CTNNA3: variants seen among roughly 807,000 people sequenced by gnomAD.
CTNNA3 encodes the protein catenin alpha-3.
Under a neutral mutation model 95.7 loss-of-function variants are expected in CTNNA3, and 76 were observed. The observed-to-expected ratio is 0.79, with a 90% CI of 0.66 to 0.96. The LOEUF (loss-of-function observed/expected upper bound fraction) is 0.96. Among genes scored for constraint, CTNNA3 ranks in the 40% least tolerant of loss-of-function variants. The pLI is 0.00. For synonymous variants in CTNNA3, 431 were observed against 374.4 expected, an observed-to-expected ratio of 1.15 and a Z score of -1.74; for missense variants, 1,191 against 1,089.8, an observed-to-expected ratio of 1.09 and a Z score of -1.31.
chr10:67,595,305 C>T (rs1842906033), intron 3 of CTNNA3, among the ~76,000 whole-genome samples: 1 of 152,118 alleles, frequency 6.6e-6, no homozygotes, highest in East Asian at 1.9e-4. Context: ...ACTGCTTTAG[C>T]TGTGTCCCAG....
rs1467891653 is a variant in CTNNA3, at chr10:67,118,613, A to G, written c.1047+61704T>C. Among the ~76,000 whole-genome samples the G allele has an allele frequency of 7.9e-5, 12 of 151,946 alleles. 1 individual carries two copies. The highest frequency in any genetic ancestry group is 1.5e-4 in the Non-Finnish European group (10 of 67,888). On this transcript the variant is annotated intron_variant, in intron 7 of 17. Coordinates refer to ENST00000433211, the MANE Select transcript of CTNNA3 (RefSeq NM_013266.4). ...TATTGTGCATAGAAAGAAAACTTAAATGTAGCATCATTTCAGTTATAATTC... is the reference window on the plus strand; with the variant it reads ...TATTGTGCATAGAAAGAAAACTTAAGTGTAGCATCATTTCAGTTATAATTC...
intron 2 of CTNNA3, among the ~76,000 whole-genome samples, chr10:67,625,777 T>C (rs762019897): frequency 2.5e-4 from 38 of 152,212 alleles, no homozygotes; most frequent in Non-Finnish European, 4.9e-4. Context: ...TATGGTCTAA[T>C]GGCTAGGATT....
At chr10:65,942,070 G>A (rs1183158309) in intron 17 of CTNNA3, among the ~76,000 whole-genome samples, 1 of 152,114 alleles carries the variant, frequency 6.6e-6, no homozygotes, top group East Asian at 1.9e-4. Flanking sequence ...TTTACTCAAA[G>A]GAGTACATTT....
At chr10:65,989,254 T>C (rs2078490231) in intron 15 of CTNNA3, among the ~76,000 whole-genome samples, 1 of 152,172 alleles carries the variant, frequency 6.6e-6, no homozygotes, top group Non-Finnish European at 1.5e-5. Context: ...TTGGTTTTAA[T>C]ATTTTGATTT....
At chr10:66,838,793 T>TA (rs1164568264) in intron 7 of CTNNA3, among the ~76,000 whole-genome samples, 1 of 152,176 alleles carries the variant, frequency 6.6e-6, no homozygotes, top group Non-Finnish European at 1.5e-5. Context: ...CTTCGCTGAA[T>TA]AAACACTGAG....
intron 7 of CTNNA3, among the ~76,000 whole-genome samples, chr10:67,130,141 C>T (rs1327430200): frequency 6.6e-6 from 1 of 152,064 alleles, no homozygotes; most frequent in East Asian, 1.9e-4. Context: ...TTTAAAGAAA[C>T]CTCAGGAGGG....
At chr10:66,866,903 A>AC (rs971662022) in intron 7 of CTNNA3, among the ~76,000 whole-genome samples, 2 of 152,158 alleles carry the variant, frequency 1.3e-5, no homozygotes, top group African/African-American at 4.8e-5. Flanking sequence ...TGTGGGAGGA[A>AC]CCTGATGAGA....
At chr10:66,882,973 T>G (rs1844904198) in intron 7 of CTNNA3, among the ~76,000 whole-genome samples, 1 of 152,038 alleles carries the variant, frequency 6.6e-6, no homozygotes, top group Admixed American at 6.6e-5. Flanking sequence ...GGGCACCATC[T>G]GGCCCCTAGA....
At chr10:66,030,384 A>G (rs986437399) in intron 15 of CTNNA3, among the ~76,000 whole-genome samples, 2 of 152,138 alleles carry the variant, frequency 1.3e-5, no homozygotes, top group Non-Finnish European at 2.9e-5. Flanking sequence ...GAAACAATAG[A>G]GAAGCCAGAA....
chr10:66,826,032 G>A (rs1269012711), intron 7 of CTNNA3, among the ~76,000 whole-genome samples: 4 of 152,152 alleles, frequency 2.6e-5, no homozygotes, highest in Admixed American at 1.3e-4. Flanking sequence ...ATTTAGAATG[G>A]ATTTTTAGGG....
At chr10:65,940,848 T>C (rs10996784) in intron 17 of CTNNA3, among the ~76,000 whole-genome samples, 5,521 of 152,298 alleles carry the variant, frequency 0.036, 120 homozygotes, top group Middle Eastern at 0.075. Context: ...AGCCTGTTCA[T>C]TGAACCCTTC....
intron 12 of CTNNA3, among the ~76,000 whole-genome samples, chr10:66,340,553 A>G (rs967565620): frequency 1.3e-5 from 2 of 151,816 alleles, no homozygotes; most frequent in African/African-American, 2.4e-5. Flanking sequence ...AGCCTATACT[A>G]TTTACATGAT....
intron 13 of CTNNA3, among the ~76,000 whole-genome samples, chr10:66,169,061 T>C (rs977194921): frequency 7.2e-5 from 11 of 152,096 alleles, no homozygotes; most frequent in African/African-American, 2.7e-4. Context: ...TCTATTTTTG[T>C]TGTTGTTGTT....
At chr10:67,003,311 C>T (rs1470913215) in intron 7 of CTNNA3, among the ~76,000 whole-genome samples, 4 of 152,128 alleles carry the variant, frequency 2.6e-5, no homozygotes, top group Non-Finnish European at 5.9e-5. Context: ...TCTGCTTTAA[C>T]CCTAATACTG....
chr10:67,732,378 T>A (rs1435440505), intron 1 of CTNNA3, among the ~76,000 whole-genome samples: 1 of 152,192 alleles, frequency 6.6e-6, no homozygotes, highest in Non-Finnish European at 1.5e-5. Flanking sequence ...CATAGTCTTA[T>A]GAAAAAAGTA....
At chr10:66,393,818 C>T (rs913315916) in intron 11 of CTNNA3, among the ~76,000 whole-genome samples, 1 of 151,922 alleles carries the variant, frequency 6.6e-6, no homozygotes, top group African/African-American at 2.4e-5. Context: ...CAAAATAGAG[C>T]CTTTGAGCTG....
At chr10:67,237,126 G>A (rs10823012) in intron 5 of CTNNA3, among the ~76,000 whole-genome samples, 24,825 of 38,254 alleles carry the variant, frequency 0.65, 8,020 homozygotes, top group Middle Eastern at 0.78. Context: ...TATGGTGTAT[G>A]TATATATATA....
At chr10:66,540,704 C>A (rs1267203353) in intron 10 of CTNNA3, among the ~76,000 whole-genome samples, 1 of 151,686 alleles carries the variant, frequency 6.6e-6, no homozygotes, top group East Asian at 1.9e-4. Context: ...TAGTACAGAG[C>A]CAGGCACCTA....
chr10:66,544,199 A>G (rs1841966741), intron 10 of CTNNA3, among the ~76,000 whole-genome samples: 1 of 151,982 alleles, frequency 6.6e-6, no homozygotes, highest in Non-Finnish European at 1.5e-5. Flanking sequence ...CAGGATGGCC[A>G]ATTTCCCAGT....
Sources: gnomAD v4.1 joint callset for allele counts (sites outside exome capture counted in the v4.1 genomes callset) on GRCh38, gnomAD v4.1.1 for gene constraint, MANE v1.5 for transcripts, NCBI Gene and HGNC (gene_info 2026-07-23, HGNC 2026-07-21) for gene names.